HDLBP: variants seen among roughly 807,000 people sequenced by gnomAD.
HDLBP encodes the protein vigilin.
Under a neutral mutation model 137.3 loss-of-function variants are expected in HDLBP, and 30 were observed. The ratio of observed to expected loss-of-function variants is 0.22; its 90% CI spans 0.16 to 0.30. The LOEUF (loss-of-function observed/expected upper bound fraction) is 0.30. Among genes scored for constraint, HDLBP ranks in the 10% least tolerant of loss-of-function variants. HDLBP has a pLI of 1.00. For synonymous variants in HDLBP, 606 were observed against 596.0 expected (o/e 1.02, Z -0.24); for missense variants, 1,119 against 1,667.3 (o/e 0.67, Z 5.73).
Position 241,240,142 on chromosome 2 carries a change from T to C in HDLBP, c.2170-20A>G, listed in dbSNP as rs773058369. 1 of 1,611,622 alleles carries C rather than the reference T, an allele frequency of 6.2e-7. No homozygotes were observed. The highest frequency in any genetic ancestry group is 1.1e-5 in the South Asian group (1 of 91,052). ...GGTTTGCTGCAGAAACCAATCCCAC[T>C]GTGTTAGCCTGACACCACGTGCCTG... On this transcript the variant is annotated intron_variant, in intron 17 of 27. Coordinates refer to ENST00000310931, the MANE Select transcript of HDLBP (RefSeq NM_005336.6). The surrounding 1 kb of genome is among the most constrained non-coding windows in gnomAD (Gnocchi z 5.5).
At position 241,230,319 on chromosome 2, in the gene HDLBP, G is replaced by T. The variant is rs1187627230; in HGVS notation, c.3475-50C>A. 7.1e-6 allele frequency: 8 copies of T among 1,130,970 alleles called. No homozygotes were observed. The highest frequency in any genetic ancestry group is 1.0e-5 in the Non-Finnish European group (8 of 781,552). 70.1% of individuals were successfully genotyped at this position (1,130,970 alleles called of 1,614,324 possible). A position where few individuals can be genotyped will look rare whatever the true frequency, so the allele number is the denominator to read the frequency against. ...TGAGGGGACTCCAAGCGAGGAAAAGGGTTAAAATTATGTGTCAATTTCTAG... is the reference window on the plus strand; with the variant it reads ...TGAGGGGACTCCAAGCGAGGAAAAGTGTTAAAATTATGTGTCAATTTCTAG... On this transcript the variant is annotated intron_variant, in intron 25 of 27. Transcript: ENST00000310931. The surrounding 1 kb of genome is among the most constrained non-coding windows in gnomAD (Gnocchi z 5.0).
At chr2:241,245,684 C>T (rs560944468) in intron 16 of HDLBP, among the ~76,000 whole-genome samples, 3 of 152,236 alleles carry the variant, frequency 2.0e-5, no homozygotes. Flanking sequence ...CACCTGTGGT[C>T]CCAGCTACTT....
At chr2:241,264,827 T>C (rs1016737848) in intron 3 of HDLBP, among the ~76,000 whole-genome samples, 1 of 151,788 alleles carries the variant, frequency 6.6e-6, no homozygotes, top group East Asian at 1.9e-4. Context: ...GGCCAGAGAC[T>C]CCCAGTCTCT....
intron 11 of HDLBP, chr2:241,250,556 G>C (rs1284645274): frequency 2.0e-5 from 3 of 152,574 alleles, no homozygotes; most frequent in Non-Finnish European, 4.4e-5. Context: ...ATAGAACCCA[G>C]TACCCCCAAG....
intron 11 of HDLBP, among the ~76,000 whole-genome samples, chr2:241,252,289 C>A (rs900882784): frequency 1.3e-5 from 2 of 152,164 alleles, no homozygotes; most frequent in African/African-American, 4.8e-5. Flanking sequence ...ATCACCTGAG[C>A]CCAGGAATTT....
At chr2:241,270,473 A>C (rs567859414) in intron 1 of HDLBP, among the ~76,000 whole-genome samples, 1 of 152,218 alleles carries the variant, frequency 6.6e-6, no homozygotes, top group Non-Finnish European at 1.5e-5. Context: ...TTTTTCTTCT[A>C]AACAACTCAA....
intron 23 of HDLBP, 98 bp from the exon 24 acceptor site, chr2:241,234,061 G>T: frequency 7.3e-7 from 1 of 1,361,644 alleles, no homozygotes; most frequent in Non-Finnish European, 1.0e-6. Context: ...TGGAGATGCT[G>T]CAGTGTTCTG....
chr2:241,248,468 TC>T, intron 12 of HDLBP, 120 bp from the exon 13 acceptor site: 1 of 802,706 alleles, frequency 1.2e-6, no homozygotes, highest in Non-Finnish European at 2.1e-6. Context: ...TGAGGTGGTC[TC>T]CAGGTGGCAC....
At chr2:241,234,545 C>T (rs999789130) in intron 23 of HDLBP, among the ~76,000 whole-genome samples, 2 of 152,350 alleles carry the variant, frequency 1.3e-5, no homozygotes, top group East Asian at 3.9e-4. Context: ...CTTAGCAAAC[C>T]AGCACCCCAG....
intron 2 of HDLBP, chr2:241,267,605 A>C (rs2073775662): frequency 6.5e-7 from 1 of 1,535,582 alleles, no homozygotes. Context: ...ATGCATCATG[A>C]CAGTTGCTAC....
chr2:241,234,020 C>A, intron 23 of HDLBP, 57 bp from the exon 24 acceptor site: 2 of 1,594,362 alleles, frequency 1.3e-6, no homozygotes, highest in South Asian at 2.2e-5. Context: ...CCCTGTGACT[C>A]CATTCCCCTT....
At chr2:241,287,336 T>C (rs11896191) in intron 1 of HDLBP, among the ~76,000 whole-genome samples, 48,313 of 151,666 alleles carry the variant, frequency 0.32, 8,404 homozygotes, top group East Asian at 0.51. Flanking sequence ...GTCTCAAACT[T>C]CTGACACCGT....
At chr2:241,253,152 T>G in intron 10 of HDLBP, 117 bp from the exon 11 acceptor site, 1 of 723,336 alleles carries the variant, frequency 1.4e-6, no homozygotes, top group Non-Finnish European at 2.5e-6. Flanking sequence ...CAGGAATTGT[T>G]GGAGACTGCC....
chr2:241,243,127 A>G (rs899309682), intron 16 of HDLBP, among the ~76,000 whole-genome samples: 11 of 152,166 alleles, frequency 7.2e-5, no homozygotes, highest in African/African-American at 2.7e-4. Flanking sequence ...ACTGGACTGA[A>G]CTTACCGCCT....
At position 241,256,783 on chromosome 2, in the gene HDLBP, G is replaced by T. The variant is rs1459563914; in HGVS notation, c.474C>A (p.Pro158=). 1.4e-5 allele frequency: 22 copies of T among 1,614,074 alleles called. No homozygotes were observed. Among genetic ancestry groups the T allele is most frequent in the Non-Finnish European group, 1.9e-5 (22 of 1,179,950 alleles). Residue 158 remains proline, a synonymous_variant, in exon 6 of 28, where the codon CCC becomes CCA. Transcript: ENST00000310931. ...CAATAACAAAGCGATGGTGTTCTTTGGGAATGGCAACAGTTGCTGAGGCCT... is the reference window on the plus strand; with the variant it reads ...CAATAACAAAGCGATGGTGTTCTTTTGGAATGGCAACAGTTGCTGAGGCCT... ...QTQASATVAI[P]KEHHRFVIGK... is the part of the protein sequence containing the mutation.
chr2:241,246,169 A>G (rs1173335390), intron 16 of HDLBP, among the ~76,000 whole-genome samples: 2 of 152,164 alleles, frequency 1.3e-5, no homozygotes, highest in Non-Finnish European at 2.9e-5. Flanking sequence ...TGGGCCCAAT[A>G]AAGAGTAGAT....
intron 1 of HDLBP, among the ~76,000 whole-genome samples, chr2:241,297,898 A>C (rs907168196): frequency 6.6e-6 from 1 of 151,844 alleles, no homozygotes; most frequent in Non-Finnish European, 1.5e-5. Context: ...AAATAAAAAA[A>C]TTAGCCGGGC....
chr2:241,238,925 C>G lies in HDLBP; in HGVS notation c.2611-138G>C. On this transcript the variant is annotated intron_variant, in intron 19 of 27. Transcript: ENST00000310931. This position sits in a 1 kb window ranked among gnomAD's most constrained non-coding sequence, Gnocchi z 4.9. ...ACAGATGCTCCCCTTCTCCCGAGTC[C>G]AGGGCTCCAGGCGCAGGGAGGAGGG... 1.6e-6 allele frequency: 1 copy of G among 633,768 alleles called. No individual in the cohort carries two copies. Among genetic ancestry groups the G allele is most frequent in the Non-Finnish European group, 2.5e-6 (1 of 395,564 alleles). The allele number at this position is 633,768 out of a possible 1,614,324, so 39.3% of individuals were successfully genotyped here. A position where few individuals can be genotyped will look rare whatever the true frequency, so the allele number is the denominator to read the frequency against.
At position 241,258,288 on chromosome 2, in the gene HDLBP, A is replaced by G. The variant is rs1574944621; in HGVS notation, c.451-1482T>C. On this transcript the variant is annotated intron_variant, in intron 5 of 27. Coordinates refer to ENST00000310931, the MANE Select transcript of HDLBP (RefSeq NM_005336.6). ...CGTGAACCCGGGAGGCGGAGCTTGC[A>G]GTGAGCCGAGATCGCGCCACTGCAC... Among the ~76,000 whole-genome samples, 3 of 139,844 alleles carry G rather than the reference A, an allele frequency of 2.1e-5. No individual in the cohort carries two copies. In the South Asian group the frequency reaches 7.0e-4, roughly 33 times the overall value. The allele number at this position is 139,844 out of a possible 152,430, so 91.7% of individuals were successfully genotyped here.
Sources: allele counts gnomAD v4.1 joint callset (sites outside exome capture counted in the v4.1 genomes callset), GRCh38; gene constraint gnomAD v4.1.1; non-coding constraint Gnocchi (gnomAD v3.1); transcripts MANE v1.5; gene names NCBI Gene and HGNC (gene_info 2026-07-23, HGNC 2026-07-21).